The following AP1M1 variants were observed in gnomAD, a reference collection of about 807,000 sequenced individuals.
AP1M1 encodes the protein adaptor related protein complex 1 subunit mu 1.
A neutral mutation model predicts 57.1 loss-of-function variants in AP1M1; 18 were observed. The observed-to-expected ratio is 0.32, with a 90% CI of 0.22 to 0.47. The LOEUF (loss-of-function observed/expected upper bound fraction) is 0.47. Ranked by LOEUF, AP1M1 falls within the 20% of genes least tolerant of loss-of-function variation. The pLI is 1.00. For synonymous variants in AP1M1, 241 were observed against 237.9 expected (o/e 1.01, Z -0.12); for missense variants, 362 against 593.5 (o/e 0.61, Z 4.05).
chr19:16,198,394 C>A (rs2091433364), intron 1 of AP1M1: 1 of 183,246 alleles, frequency 5.5e-6, no homozygotes. Context: ...GGGCCGCAGC[C>A]GGCCTCGGAG....
intron 5 of AP1M1, among the ~76,000 whole-genome samples, chr19:16,212,359 T>C (rs2091498541): frequency 1.3e-5 from 2 of 152,242 alleles, no homozygotes. Context: ...GATTATCCAT[T>C]TCTTCTAGAT....
rs550684599 is a variant in AP1M1, at chr19:16,227,755, G to A, written c.816+65G>A. ...CTCCTCCCCTTCACCTCCAGGAGGT[G>A]AAGCCCAGGCAGGCGCCAGGGCCAG... On this transcript the variant is annotated intron_variant, in intron 7 of 11. Coordinates refer to ENST00000291439, the MANE Select transcript of AP1M1 (RefSeq NM_032493.4). The surrounding 1 kb of genome is among the most constrained non-coding windows in gnomAD (Gnocchi z 6.2). 6,820 of 1,576,992 alleles carry A rather than the reference G, an allele frequency of 4.3e-3. 18 individuals carry two copies. Among genetic ancestry groups the A allele is most frequent in the Non-Finnish European group, 4.7e-3 (5,430 of 1,156,738 alleles).
rs564007747 is a variant in AP1M1, at chr19:16,243,297, C to G, written c.*8862C>G. On this transcript the variant is annotated 3_prime_UTR_variant, in exon 12 of 12. Coordinates refer to ENST00000291439, the MANE Select transcript of AP1M1 (RefSeq NM_032493.4). ...TTTTGTTTTTGTTTTGAGAAAGGGT[C>G]TCTGTTGCCCAGGCTGGAGTGCAGT... is the stretch of plus-strand genomic sequence containing the variant. 1 of 151,528 alleles carries G rather than the reference C, an allele frequency of 6.6e-6. No homozygotes were observed. Among genetic ancestry groups the G allele is most frequent in the Admixed American group, 6.6e-5 (1 of 15,180 alleles). The allele number at this position is 151,528 out of a possible 1,614,324, so 9.4% of individuals were successfully genotyped here. A position where few individuals can be genotyped will look rare whatever the true frequency, so the allele number is the denominator to read the frequency against.
Position 16,205,502 on chromosome 19 carries a change from G to A in AP1M1, c.200-839G>A, listed in dbSNP as rs181930118. ...CGTCCCTTTCCTGGGCCCCTGTGCT[G>A]TGCTGGGGTGAGGCGGGAAGGGAGA... On this transcript the variant is annotated intron_variant, in intron 2 of 11. Coordinates refer to ENST00000291439, the MANE Select transcript of AP1M1 (RefSeq NM_032493.4). Among the ~76,000 whole-genome samples the A allele has an allele frequency of 7.5e-4, 114 of 152,282 alleles. 1 individual carries two copies. In the East Asian group the frequency reaches 0.02, roughly 26 times the overall value.
In AP1M1 at chr19:16,241,431, C is replaced by T. The variant is rs1235881708; in HGVS notation, c.*6996C>T. ...AGGAATGCCGGAAAACCTTAGAAAC[C>T]ATTGGATCTGTCTAAACTGTCATTG... On this transcript the variant is annotated 3_prime_UTR_variant, in exon 12 of 12. Transcript: ENST00000291439. 6.6e-6 allele frequency: 1 copy of T among 151,962 alleles called. No homozygotes were observed. The highest frequency in any genetic ancestry group is 1.5e-5 in the Non-Finnish European group (1 of 68,000). 9.4% of individuals were successfully genotyped at this position (151,962 alleles called of 1,614,324 possible).
Position 16,207,677 on chromosome 19 carries a change from T to G in AP1M1, c.268-342T>G, listed in dbSNP as rs1042819209. On this transcript the variant is annotated intron_variant, in intron 3 of 11. Transcript: ENST00000291439. The surrounding 1 kb of genome is among the most constrained non-coding windows in gnomAD (Gnocchi z 4.2). ...GGGAAGATGGCAGCTCATCAGGTCC[T>G]TGCCTGAGTCACTCCAGACTCAGAA... Among the ~76,000 whole-genome samples, 2 of 152,158 alleles carry G rather than the reference T, an allele frequency of 1.3e-5. No individual in the cohort carries two copies. The highest frequency in any genetic ancestry group is 1.5e-5 in the Non-Finnish European group (1 of 68,018).
At chr19:16,233,987 A>G (rs2091611174) in intron 10 of AP1M1, 2 of 585,182 alleles carry the variant, frequency 3.4e-6, no homozygotes, top group Non-Finnish European at 2.9e-6. Context: ...TCTGCAAGCC[A>G]CATCCTGGCT....
intron 5 of AP1M1, 32 bp downstream of exon 5, chr19:16,209,209 G>A: frequency 6.2e-7 from 1 of 1,607,754 alleles, no homozygotes; most frequent in Non-Finnish European, 8.5e-7. Context: ...CTTCTGTAGG[G>A]TTTTATCTCT....
intron 5 of AP1M1, among the ~76,000 whole-genome samples, chr19:16,209,773 T>C (rs997229191): frequency 4.6e-5 from 7 of 152,218 alleles, no homozygotes; most frequent in African/African-American, 1.7e-4. Flanking sequence ...TCCTGCAGCT[T>C]GTTTTTTTGG....
chr19:16,200,815 G>C (rs1295564668), intron 1 of AP1M1, among the ~76,000 whole-genome samples: 1 of 152,222 alleles, frequency 6.6e-6, no homozygotes, highest in Admixed American at 6.5e-5. Context: ...GCTCTGGGGG[G>C]TTTCCTCCTG....
At position 16,197,975 on chromosome 19, in the gene AP1M1, T is replaced by TCGCTGCCGCCGCCACCGCCCTTGGC; in HGVS notation, c.-31_-30insTGGCCGCTGCCGCCGCCACCGCCCT. ...GCTCAACGCCCAGCAGTCCCCACCG[T>TCGCTGCCGCCGCCACCGCCCTTGGC]CGCTGCCGCCGCCACCGCCCTCGGC... On this transcript the variant is annotated 5_prime_UTR_variant, in exon 1 of 12. Transcript: ENST00000291439. 5 of 1,451,820 alleles carry TCGCTGCCGCCGCCACCGCCCTTGGC rather than the reference T, an allele frequency of 3.4e-6. No individual in the cohort carries two copies. The highest frequency in any genetic ancestry group is 1.3e-5 in the South Asian group (1 of 77,830). 89.9% of individuals were successfully genotyped at this position (1,451,820 alleles called of 1,614,324 possible).
intron 5 of AP1M1, among the ~76,000 whole-genome samples, chr19:16,213,238 G>A (rs1165784024): frequency 1.3e-5 from 2 of 152,152 alleles, no homozygotes; most frequent in Admixed American, 1.3e-4. Context: ...CTCTTTGTAG[G>A]TCTCTAAGAA....
In AP1M1 at chr19:16,203,036, C is replaced by T; in HGVS notation, c.43-423C>T. On this transcript the variant is annotated intron_variant, in intron 1 of 11. Transcript: ENST00000291439. This position sits in a 1 kb window ranked among gnomAD's most constrained non-coding sequence, Gnocchi z 4.6. ...AAGAGGGCTTCTCCCTTCAGGCCAC[C>T]TGTGGACTTCAGTAAATACGAACCT... The T allele has an allele frequency of 4.7e-6, 1 of 214,996 alleles. No individual in the cohort carries two copies. The highest frequency in any genetic ancestry group is 5.9e-5 in the South Asian group (1 of 16,882). The allele number at this position is 214,996 out of a possible 1,614,324, so 13.3% of individuals were successfully genotyped here.
intron 5 of AP1M1, among the ~76,000 whole-genome samples, chr19:16,213,359 TG>T (rs1267961053): frequency 1.3e-5 from 2 of 152,358 alleles, no homozygotes; most frequent in Admixed American, 6.5e-5. Context: ...TGTCTTTTTT[TG>T]ATCTTTGTTG....
Position 16,233,622 on chromosome 19 carries a change from C to T in AP1M1, c.1173+4C>T, listed in dbSNP as rs952893223. 7 of 1,609,292 alleles carry T rather than the reference C, an allele frequency of 4.3e-6. No homozygotes were observed. Among genetic ancestry groups the T allele is most frequent in the Admixed American group, 1.7e-5 (1 of 59,298 alleles). On this transcript the variant is annotated splice_donor_region_variant and intron_variant, in intron 10 of 11. Coordinates refer to ENST00000291439, the MANE Select transcript of AP1M1 (RefSeq NM_032493.4). ...CTTCACTACCTCCGGCATCCAGGTA[C>T]GTAAGGCCCAGGCGGCCGGGGCCCA... is the stretch of plus-strand genomic sequence containing the variant.
In AP1M1 at chr19:16,228,026, G is replaced by A; in HGVS notation, c.817-111G>A. 8.7e-7 allele frequency: 1 copy of A among 1,150,154 alleles called. No homozygotes were observed. The highest frequency in any genetic ancestry group is 2.5e-5 in the East Asian group (1 of 39,942). 71.2% of individuals were successfully genotyped at this position (1,150,154 alleles called of 1,614,324 possible). Reference sequence around the variant, plus strand: ...GGCTGTACGCTCCCTGCAGGGCTCTGGGCCCACACCTGGGCAGATGGTCCC... The same window carrying A: ...GGCTGTACGCTCCCTGCAGGGCTCTAGGCCCACACCTGGGCAGATGGTCCC... On this transcript the variant is annotated intron_variant, in intron 7 of 11. Coordinates refer to ENST00000291439, the MANE Select transcript of AP1M1 (RefSeq NM_032493.4). This position sits in a 1 kb window ranked among gnomAD's most constrained non-coding sequence, Gnocchi z 5.0.
intron 10 of AP1M1, chr19:16,233,912 G>C (rs1057185056): frequency 1.8e-6 from 1 of 552,626 alleles, no homozygotes; most frequent in Non-Finnish European, 3.2e-6. Context: ...CACAGAGGGA[G>C]GAGAGGCTCC....
At chr19:16,202,998 G>A in intron 1 of AP1M1, 1 of 189,116 alleles carries the variant, frequency 5.3e-6, no homozygotes, top group South Asian at 8.6e-5. Flanking sequence ...GGCTATGAAA[G>A]AGAGAGACCA....
intron 5 of AP1M1, among the ~76,000 whole-genome samples, chr19:16,214,153 A>G (rs1475058202): frequency 3.4e-5 from 5 of 148,072 alleles, no homozygotes; most frequent in African/African-American, 1.2e-4. Context: ...GGTTCAAGTG[A>G]TTCTCCTGCC....
Sources: allele counts gnomAD v4.1 joint callset (sites outside exome capture counted in the v4.1 genomes callset), GRCh38; gene constraint gnomAD v4.1.1; non-coding constraint Gnocchi (gnomAD v3.1); transcripts MANE v1.5; gene names NCBI Gene and HGNC (gene_info 2026-07-23, HGNC 2026-07-21).